KHDRBS2: variants seen among roughly 807,000 people sequenced by gnomAD.
The protein encoded by KHDRBS2 is KH RNA binding domain containing, signal transduction associated 2.
A neutral mutation model predicts 44.3 loss-of-function variants in KHDRBS2; 26 were observed. The observed-to-expected ratio is 0.59, with a 90% confidence interval of 0.43 to 0.81. The LOEUF (loss-of-function observed/expected upper bound fraction) is 0.81. KHDRBS2 is among the 40% of genes least tolerant of loss of function. The probability of loss-of-function intolerance (pLI) is 0.00; values close to 1 mark genes in which losing one functional copy is unlikely to be tolerated. For synonymous variants in KHDRBS2, 194 were observed against 151.1 expected (o/e 1.28, Z -2.08); for missense variants, 476 against 433.1 (o/e 1.10, Z -0.88).
intron 1 of KHDRBS2, among the ~76,000 whole-genome samples, chr6:62,221,233 T>C (rs1267538100): frequency 1.3e-5 from 2 of 152,016 alleles, no homozygotes; most frequent in African/African-American, 4.8e-5. Context: ...ATTATATCAC[T>C]TATATAAGGA....
chr6:61,880,339 T>G (rs1800026378), intron 6 of KHDRBS2, among the ~76,000 whole-genome samples: 1 of 151,934 alleles, frequency 6.6e-6, no homozygotes, highest in Non-Finnish European at 1.5e-5. Context: ...CAAATTTTAA[T>G]GGAGGAGATT....
Position 61,851,801 on chromosome 6 carries a change from T to C in KHDRBS2, c.810+42834A>G, listed in dbSNP as rs573165856. Among the ~76,000 whole-genome samples, 5 of 152,352 alleles carry C rather than the reference T, an allele frequency of 3.3e-5. No homozygotes were observed. In the South Asian group the frequency reaches 1.0e-3, roughly 32 times the overall value. ...AAAAGATATTCAATATGTTTTACTA[T>C]TTATATGCTACTGCATCAGTGAATT... On this transcript the variant is annotated intron_variant, in intron 6 of 8. Coordinates refer to ENST00000281156, the MANE Select transcript of KHDRBS2 (RefSeq NM_152688.4).
At chr6:61,792,617 C>T (rs1286009750) in intron 6 of KHDRBS2, among the ~76,000 whole-genome samples, 2 of 151,608 alleles carry the variant, frequency 1.3e-5, no homozygotes, top group African/African-American at 4.8e-5. Flanking sequence ...TATCATTCCT[C>T]TCACCTTACT....
At chr6:62,051,805 T>G (rs1475710364) in intron 2 of KHDRBS2, among the ~76,000 whole-genome samples, 1 of 151,830 alleles carries the variant, frequency 6.6e-6, no homozygotes, top group African/African-American at 2.4e-5. Flanking sequence ...AAAAACCGAT[T>G]TAAAAATGGG....
intron 3 of KHDRBS2, among the ~76,000 whole-genome samples, chr6:62,038,636 A>G (rs1785817524): frequency 6.6e-6 from 1 of 152,106 alleles, no homozygotes; most frequent in South Asian, 2.1e-4. Context: ...AGTTAAGTGC[A>G]GAATTTTTCT....
At chr6:62,094,772 G>A (rs1433178121) in intron 2 of KHDRBS2, among the ~76,000 whole-genome samples, 1 of 151,718 alleles carries the variant, frequency 6.6e-6, no homozygotes, top group Non-Finnish European at 1.5e-5. Context: ...TGATTCTTCT[G>A]CATGTCGATA....
At chr6:61,543,724 A>G in the KHDRBS2 span, among the ~76,000 whole-genome samples, 3 of 152,112 alleles carry the variant, frequency 2.0e-5, no homozygotes, top group South Asian at 2.1e-4. Flanking sequence ...AGATGAATGG[A>G]TAGCAAACAT....
At chr6:62,171,961 C>G (rs997458079) in intron 2 of KHDRBS2, among the ~76,000 whole-genome samples, 6 of 152,118 alleles carry the variant, frequency 3.9e-5, no homozygotes, top group Admixed American at 3.9e-4. Context: ...CCATTATGCA[C>G]CACCACAAAA....
intron 1 of KHDRBS2, among the ~76,000 whole-genome samples, chr6:62,184,222 A>G (rs901903841): frequency 3.3e-5 from 5 of 151,724 alleles, no homozygotes; most frequent in South Asian, 2.1e-4. Context: ...GTCCAGAATA[A>G]AAGGGCAAAT....
chr6:62,037,396 T>C (rs945353953), intron 3 of KHDRBS2, among the ~76,000 whole-genome samples: 8 of 151,234 alleles, frequency 5.3e-5, no homozygotes, highest in East Asian at 1.9e-4. Flanking sequence ...AAAATAAAAA[T>C]GAGAGTCATT....
the KHDRBS2 span, among the ~76,000 whole-genome samples, chr6:61,550,766 C>CTTTTTTTTTTTTTTTTTTT: frequency 8.5e-6 from 1 of 117,038 alleles, no homozygotes. Flanking sequence ...GAGATGGTAT[C>CTTTTTTTTTTTTTTTTTTT]TTTTTTTTTT....
At chr6:61,568,268 T>C in the KHDRBS2 span, among the ~76,000 whole-genome samples, 1 of 152,204 alleles carries the variant, frequency 6.6e-6, no homozygotes, top group Non-Finnish European at 1.5e-5. Flanking sequence ...TGAAGACAAG[T>C]AAAGTGATGC....
chr6:61,595,649 A>G, the KHDRBS2 span, among the ~76,000 whole-genome samples: 2 of 151,934 alleles, frequency 1.3e-5, no homozygotes, highest in African/African-American at 4.8e-5. Context: ...GAAAACCTAG[A>G]AAGTAATTTT....
chr6:62,247,646 T>G (rs1369135114), intron 1 of KHDRBS2, among the ~76,000 whole-genome samples: 2 of 152,050 alleles, frequency 1.3e-5, no homozygotes, highest in East Asian at 3.9e-4. Context: ...TCTCTAAGCA[T>G]CACATCTTTC....
rs1439969599 is a variant in KHDRBS2 at position 61,918,138 on chromosome 6, TG to T, written c.484-16768del. Among the ~76,000 whole-genome samples, 3 of 152,004 alleles carry T rather than the reference TG, an allele frequency of 2.0e-5. No homozygotes were observed. The East Asian group carries it at 5.8e-4, about 29-fold the overall frequency. On this transcript the variant is annotated intron_variant, in intron 4 of 8. Transcript: ENST00000281156. ...TGAGTCAAATCACAAGCAGGGATTA[TG>T]TGGTAGAAAACACTTTCAATGGCTT...
chr6:62,269,329 A>G lies in KHDRBS2; in HGVS notation c.91+16529T>C, dbSNP rs571952212. ...CCACATATTAGGGAAAAATATCACAAAACATATTTGTAACAAACGATGCAA... is the reference window on the plus strand; with the variant it reads ...CCACATATTAGGGAAAAATATCACAGAACATATTTGTAACAAACGATGCAA... On this transcript the variant is annotated intron_variant, in intron 1 of 8. Transcript: ENST00000281156. Among the ~76,000 whole-genome samples the G allele has an allele frequency of 9.2e-5, 14 of 152,222 alleles. No homozygotes were observed. The South Asian group carries it at 2.9e-3, about 32-fold the overall frequency.
chr6:62,108,263 C>T (rs529150939), intron 2 of KHDRBS2, among the ~76,000 whole-genome samples: 1 of 152,118 alleles, frequency 6.6e-6, no homozygotes, highest in Non-Finnish European at 1.5e-5. Context: ...AAACAAAGAA[C>T]CCCATCAAAA....
chr6:62,258,208 C>T (rs1470511416), intron 1 of KHDRBS2, among the ~76,000 whole-genome samples: 1 of 151,852 alleles, frequency 6.6e-6, no homozygotes, highest in African/African-American at 2.4e-5. Context: ...GAAGTGGATC[C>T]CTGAAGGATA....
At chr6:61,628,229 TTTTTTTTTTTTTC>T in the KHDRBS2 span, among the ~76,000 whole-genome samples, 8 of 91,832 alleles carry the variant, frequency 8.7e-5, no homozygotes, top group African/African-American at 3.3e-4. Flanking sequence ...TTTTTTTTTT[TTTTTTTTTTTTTC>T]AACCTGGGCT....
Sources: allele counts gnomAD v4.1 joint callset (sites outside exome capture counted in the v4.1 genomes callset), GRCh38; gene constraint gnomAD v4.1.1; transcripts MANE v1.5; gene names NCBI Gene and HGNC (gene_info 2026-07-23, HGNC 2026-07-21).